Variants in OCA2 observed in about 807,000 individuals in gnomAD.
OCA2 encodes OCA2 melanosomal transmembrane protein.
OCA2 carries 77 observed loss-of-function variants against 100.2 expected under a neutral mutation model. The observed-to-expected ratio is 0.77, with a 90% CI of 0.64 to 0.93. OCA2 has a LOEUF of 0.93. Among genes scored for constraint, OCA2 ranks in the 40% least tolerant of loss-of-function variants. OCA2 has a pLI of 0.00. For missense variants in OCA2, 1,062 were observed against 1,089.1 expected (o/e 0.98, Z 0.35); for synonymous variants, 432 against 439.2 (o/e 0.98, Z 0.21).
downstream of OCA2, among the ~76,000 whole-genome samples, chr15:27,753,507 G>A (rs2030146542): frequency 6.6e-6 from 1 of 152,140 alleles, no homozygotes; most frequent in Non-Finnish European, 1.5e-5. Flanking sequence ...GCCGAGTCGG[G>A]TGGATCACGA....
At position 27,987,442 on chromosome 15, in the gene OCA2, G is replaced by C. The variant is rs372752130; in HGVS notation, c.1183-799C>G. On this transcript the variant is annotated intron_variant, in intron 11 of 23. Coordinates refer to ENST00000354638, the MANE Select transcript of OCA2 (RefSeq NM_000275.3). Reference sequence around the variant, plus strand: ...TTAAAAATAGTCTGAACTTGAGGCTGGGTGTGGTGGCTCACGCCTGTAATC... The same window carrying C: ...TTAAAAATAGTCTGAACTTGAGGCTCGGTGTGGTGGCTCACGCCTGTAATC... Among the ~76,000 whole-genome samples the C allele has an allele frequency of 7.9e-5, 12 of 152,262 alleles. No homozygotes were observed. In the East Asian group the frequency reaches 1.9e-3, roughly 25 times the overall value.
chr15:27,907,828 A>G (rs913454564), intron 19 of OCA2, among the ~76,000 whole-genome samples: 2 of 152,212 alleles, frequency 1.3e-5, no homozygotes, highest in African/African-American at 4.8e-5. Context: ...AAGCTTAAAC[A>G]GACCTATTTC....
At chr15:27,842,306 A>G (rs1006083274) in intron 23 of OCA2, among the ~76,000 whole-genome samples, 3 of 152,236 alleles carry the variant, frequency 2.0e-5, no homozygotes, top group Admixed American at 2.0e-4. Flanking sequence ...AATTACGATC[A>G]GTGGCTATTT....
chr15:27,924,110 A>G (rs2038962554), intron 19 of OCA2, among the ~76,000 whole-genome samples: 1 of 152,208 alleles, frequency 6.6e-6, no homozygotes, highest in Non-Finnish European at 1.5e-5. Context: ...TTTATTGAGT[A>G]GAGACTGCCT....
At chr15:28,056,537 C>A (rs1298810924) in intron 2 of OCA2, among the ~76,000 whole-genome samples, 1 of 152,272 alleles carries the variant, frequency 6.6e-6, no homozygotes, top group Non-Finnish European at 1.5e-5. Flanking sequence ...GCACAGCACA[C>A]TGCATTCCTG....
At chr15:27,748,816 G>GA in the OCA2 span, among the ~76,000 whole-genome samples, 1 of 152,076 alleles carries the variant, frequency 6.6e-6, no homozygotes, top group African/African-American at 2.4e-5. Flanking sequence ...ACTAAACACT[G>GA]AAAAATATGA....
intron 18 of OCA2, among the ~76,000 whole-genome samples, chr15:27,927,893 G>A (rs2140387030): frequency 6.8e-6 from 1 of 146,200 alleles, no homozygotes; most frequent in South Asian, 2.2e-4. Flanking sequence ...TCAGATTCAA[G>A]TGATGTTCCT....
chr15:27,780,887 T>C (rs2032504852), intron 23 of OCA2, among the ~76,000 whole-genome samples: 2 of 152,212 alleles, frequency 1.3e-5, no homozygotes, highest in Admixed American at 1.3e-4. Context: ...AAATCCATGG[T>C]TCATATTTGT....
chr15:28,022,219 T>A (rs991125036), intron 6 of OCA2, among the ~76,000 whole-genome samples: 4 of 151,706 alleles, frequency 2.6e-5, no homozygotes, highest in African/African-American at 9.7e-5. Flanking sequence ...AGGAAAGGAG[T>A]ATCGGGGAGC....
At chr15:28,033,179 C>A (rs1051327258) in intron 2 of OCA2, among the ~76,000 whole-genome samples, 8 of 152,206 alleles carry the variant, frequency 5.3e-5, no homozygotes, top group Non-Finnish European at 1.5e-5. Flanking sequence ...TTAAAGGACA[C>A]ATGATGTTAA....
the OCA2 span, among the ~76,000 whole-genome samples, chr15:27,734,928 C>T: frequency 8.1e-4 from 123 of 152,256 alleles, 2 homozygotes; most frequent in African/African-American, 2.8e-3. Flanking sequence ...GCACAAACAT[C>T]AACATATGAC....
intron 11 of OCA2, among the ~76,000 whole-genome samples, chr15:27,987,316 G>A (rs1175674341): frequency 6.6e-6 from 1 of 152,194 alleles, no homozygotes; most frequent in East Asian, 1.9e-4. Flanking sequence ...ATCTCAGCTA[G>A]TGAATGTTCT....
intron 9 of OCA2, among the ~76,000 whole-genome samples, chr15:27,991,417 C>T (rs891239556): frequency 3.2e-4 from 48 of 152,148 alleles, no homozygotes; most frequent in Non-Finnish European, 5.1e-4. Context: ...AAAGAAAATG[C>T]GGCACAGCTC....
chr15:27,889,864 A>G (rs1331998066), intron 19 of OCA2, among the ~76,000 whole-genome samples: 1 of 152,178 alleles, frequency 6.6e-6, no homozygotes, highest in Non-Finnish European at 1.5e-5. Flanking sequence ...ACCCTGACTC[A>G]TCACCTCCCA....
chr15:28,018,113 AG>A (rs1167421550), intron 7 of OCA2, among the ~76,000 whole-genome samples: 1 of 151,684 alleles, frequency 6.6e-6, no homozygotes, highest in African/African-American at 2.4e-5. Context: ...AAAAAAAAAA[AG>A]TTTTTTCATT....
chr15:27,847,109 G>A (rs2035565652), intron 22 of OCA2, among the ~76,000 whole-genome samples: 1 of 152,196 alleles, frequency 6.6e-6, no homozygotes, highest in Non-Finnish European at 1.5e-5. Flanking sequence ...TCCCCTTGCA[G>A]AAGTCCTTCA....
In OCA2 at chr15:27,779,575, G is replaced by T. The variant is rs548051566; in HGVS notation, c.2433-24103C>A. Among the ~76,000 whole-genome samples, 4 of 152,134 alleles carry T rather than the reference G, an allele frequency of 2.6e-5. No homozygotes were observed. In the South Asian group the frequency reaches 8.3e-4, roughly 32 times the overall value. The stretch of plus-strand genomic sequence containing the variant: ...GCCTATCTTGTCTGATATAACTATA[G>T]CCACCCTTTTCTGGTTTAGTTACCA... On this transcript the variant is annotated intron_variant, in intron 23 of 23. Coordinates refer to ENST00000354638, the MANE Select transcript of OCA2 (RefSeq NM_000275.3).
chr15:27,912,896 G>A (rs2038451439), intron 19 of OCA2, among the ~76,000 whole-genome samples: 1 of 152,192 alleles, frequency 6.6e-6, no homozygotes, highest in African/African-American at 2.4e-5. Flanking sequence ...AATAGGACAT[G>A]CCAATGTTTG....
At chr15:27,984,915 G>T in intron 13 of OCA2, 149 bp downstream of exon 13, 1 of 906,364 alleles carries the variant, frequency 1.1e-6, no homozygotes, top group Non-Finnish European at 1.7e-6. Flanking sequence ...AAGCAGACAC[G>T]AGCTGGACTG....
Sources: allele counts gnomAD v4.1 joint callset (sites outside exome capture counted in the v4.1 genomes callset), GRCh38; gene constraint gnomAD v4.1.1; transcripts MANE v1.5; gene names NCBI Gene and HGNC (gene_info 2026-07-23, HGNC 2026-07-21).